The following GMDS variants were observed in gnomAD, a reference collection of about 807,000 sequenced individuals.
GMDS encodes GDP-mannose 4,6-dehydratase.
In GMDS, 20 loss-of-function variants were observed where a neutral mutation model predicts 49.9. The ratio of observed to expected loss-of-function variants is 0.40; its 90% CI spans 0.28 to 0.58. GMDS has a LOEUF of 0.58. Among genes scored for constraint, GMDS ranks in the 20% least tolerant of loss-of-function variants. The pLI, the probability that GMDS is intolerant of heterozygous loss-of-function variation, is 0.42. For synonymous variants in GMDS, 177 were observed against 178.6 expected, an observed-to-expected ratio of 0.99 and a Z score of 0.07; for missense variants, 362 against 481.4, an observed-to-expected ratio of 0.75 and a Z score of 2.32.
intron 7 of GMDS, among the ~76,000 whole-genome samples, chr6:1,857,795 C>T (rs1000216955): frequency 6.6e-5 from 10 of 152,144 alleles, no homozygotes; most frequent in Admixed American, 6.5e-4. Flanking sequence ...TATATGGCTG[C>T]AACCATTCTG....
intron 7 of GMDS, among the ~76,000 whole-genome samples, chr6:1,817,078 T>C (rs1450030816): frequency 6.8e-6 from 1 of 146,770 alleles, no homozygotes; most frequent in African/African-American, 2.6e-5. Flanking sequence ...AGCTGGTATT[T>C]ATACATATAT....
chr6:2,129,974 G>A (rs753799359), intron 1 of GMDS, among the ~76,000 whole-genome samples: 1 of 152,290 alleles, frequency 6.6e-6, no homozygotes, highest in Non-Finnish European at 1.5e-5. Flanking sequence ...GAGATTCAAA[G>A]CAGGTAAATG....
chr6:1,630,116 G>T lies in GMDS; in HGVS notation c.988-5576C>A, dbSNP rs148426607. Among the ~76,000 whole-genome samples the T allele has an allele frequency of 1.5e-4, 23 of 152,248 alleles. No individual in the cohort carries two copies. The East Asian group carries it at 4.2e-3, about 28-fold the overall frequency. On this transcript the variant is annotated intron_variant, in intron 9 of 10. Transcript: ENST00000380815. ...GGTTGACATAGTTGACATAAAACAAGAATTGTAGTTAAGCAAAAAGGGCTC... is the reference window on the plus strand; with the variant it reads ...GGTTGACATAGTTGACATAAAACAATAATTGTAGTTAAGCAAAAAGGGCTC...
Position 2,115,867 on chromosome 6 carries a change from G to A in GMDS, c.249C>T (p.His83=). The A allele has an allele frequency of 6.3e-7, 1 of 1,583,820 alleles. No individual in the cohort carries two copies. The highest frequency in any genetic ancestry group is 8.7e-7 in the Non-Finnish European group (1 of 1,152,936). Residue 83 remains histidine (H), a synonymous_variant, in exon 4 of 11, where the codon CAC becomes CAT. Coordinates refer to ENST00000380815, the MANE Select transcript of GMDS (RefSeq NM_001500.4). ...QAHIEGNMKL[H]YGDLTDSTCL... is the part of the protein sequence containing the mutation. ...AGGTACTGTCAGTGAGATCGCCATAGTGCAACTTCATGTCTTCAGGATACA... is the reference window on the plus strand; with the variant it reads ...AGGTACTGTCAGTGAGATCGCCATAATGCAACTTCATGTCTTCAGGATACA...
At chr6:2,024,399 A>C (rs1768459575) in intron 4 of GMDS, among the ~76,000 whole-genome samples, 1 of 152,166 alleles carries the variant, frequency 6.6e-6, no homozygotes, top group Non-Finnish European at 1.5e-5. Flanking sequence ...GATACATCTA[A>C]AGAATTACCA....
intron 4 of GMDS, among the ~76,000 whole-genome samples, chr6:2,075,668 T>G (rs960562978): frequency 1.3e-5 from 2 of 152,228 alleles, no homozygotes; most frequent in African/African-American, 2.4e-5. Context: ...GTTGGACATT[T>G]GGGTTGGTTC....
intron 4 of GMDS, among the ~76,000 whole-genome samples, chr6:1,983,026 C>A (rs1285410091): frequency 6.6e-6 from 1 of 152,132 alleles, no homozygotes; most frequent in Non-Finnish European, 1.5e-5. Flanking sequence ...GGTATAAGAA[C>A]AGACACATAG....
chr6:2,028,189 C>G (rs1768721511), intron 4 of GMDS, among the ~76,000 whole-genome samples: 1 of 152,180 alleles, frequency 6.6e-6, no homozygotes, highest in African/African-American at 2.4e-5. Context: ...AACAGCGCCT[C>G]ATTCCATTTA....
At chr6:2,033,742 T>A (rs1300570293) in intron 4 of GMDS, among the ~76,000 whole-genome samples, 1 of 152,164 alleles carries the variant, frequency 6.6e-6, no homozygotes, top group Non-Finnish European at 1.5e-5. Context: ...CTAAACTAAG[T>A]TGCACAAAGA....
At chr6:1,925,442 G>A (rs1396016189) in intron 7 of GMDS, among the ~76,000 whole-genome samples, 2 of 152,154 alleles carry the variant, frequency 1.3e-5, no homozygotes, top group Non-Finnish European at 1.5e-5. Context: ...CTTTATTCAT[G>A]TATGTATGTA....
intron 1 of GMDS, among the ~76,000 whole-genome samples, chr6:2,239,474 GGAGCAGCCCTTA>G (rs1781513928): frequency 6.6e-6 from 1 of 152,114 alleles, no homozygotes; most frequent in South Asian, 2.1e-4. Flanking sequence ...CTGTAGACTA[GGAGCAGCCCTTA>G]GATCCCTAAG....
intron 6 of GMDS, among the ~76,000 whole-genome samples, chr6:1,950,215 T>C (rs1038839144): frequency 6.6e-6 from 1 of 152,192 alleles, no homozygotes; most frequent in South Asian, 2.1e-4. Context: ...TGAATTCTAA[T>C]AGTTTTAAAG....
chr6:2,182,160 T>A (rs1778576654), intron 1 of GMDS, among the ~76,000 whole-genome samples: 1 of 152,222 alleles, frequency 6.6e-6, no homozygotes, highest in African/African-American at 2.4e-5. Context: ...CAAAGCCTAA[T>A]CCAGAGCAAG....
At chr6:1,694,061 A>G (rs1765259977) in intron 9 of GMDS, among the ~76,000 whole-genome samples, 2 of 152,234 alleles carry the variant, frequency 1.3e-5, no homozygotes, top group African/African-American at 4.8e-5. Flanking sequence ...AAGGCACTAA[A>G]GAGAAGATCC....
rs542137757 is a variant in GMDS at position 1,653,298 on chromosome 6, G to T, written c.988-28758C>A. Reference sequence around the variant, plus strand: ...AGGCCTTCAAATGCAAGTTGCAAAAGACACCAATAAATGCAAAGACAACTT... The same window carrying T: ...AGGCCTTCAAATGCAAGTTGCAAAATACACCAATAAATGCAAAGACAACTT... On this transcript the variant is annotated intron_variant, in intron 9 of 10. Coordinates refer to ENST00000380815, the MANE Select transcript of GMDS (RefSeq NM_001500.4). Among the ~76,000 whole-genome samples the T allele has an allele frequency of 2.3e-4, 35 of 152,280 alleles. 1 individual carries two copies. Among genetic ancestry groups the T allele is most frequent in the African/African-American group, 8.2e-4 (34 of 41,560 alleles).
chr6:1,625,377 C>T (rs1762821515), intron 9 of GMDS: 2 of 150,638 alleles, frequency 1.3e-5, no homozygotes, highest in African/African-American at 4.8e-5. Flanking sequence ...CGATCTCGAC[C>T]CACTTGTACT....
chr6:1,642,410 C>T (rs1763357991), intron 9 of GMDS, among the ~76,000 whole-genome samples: 1 of 152,000 alleles, frequency 6.6e-6, no homozygotes, highest in East Asian at 1.9e-4. Context: ...CTCAAATGAT[C>T]GGCCCACCTC....
rs181564527 is a variant in GMDS, at chr6:2,004,411, T to C, written c.346-43445A>G. 8.1e-4 allele frequency among the ~76,000 whole-genome samples: 123 copies of C among 152,320 alleles called. 1 individual carries two copies. The highest frequency in any genetic ancestry group is 1.4e-3 in the Non-Finnish European group (94 of 68,022). On this transcript the variant is annotated intron_variant, in intron 4 of 10. Transcript: ENST00000380815. ...TAATATTTCAAAACAACTCAAAATT[T>C]GAGAGTAAAATGTAGCCATTTTTTG...
intron 7 of GMDS, among the ~76,000 whole-genome samples, chr6:1,920,089 T>C (rs1242772884): frequency 6.6e-6 from 1 of 152,258 alleles, no homozygotes; most frequent in Admixed American, 6.5e-5. Flanking sequence ...GAAGAGATGT[T>C]TTCCAGCATG....
Sources: gnomAD v4.1 joint callset for allele counts (sites outside exome capture counted in the v4.1 genomes callset) on GRCh38, gnomAD v4.1.1 for gene constraint, MANE v1.5 for transcripts, NCBI Gene and HGNC (gene_info 2026-07-23, HGNC 2026-07-21) for gene names.